Variants in SORCS2 observed in about 807,000 individuals in gnomAD.
SORCS2 encodes the protein sortilin related VPS10 domain containing receptor 2.
Under a neutral mutation model 141.6 loss-of-function variants are expected in SORCS2, and 100 were observed. The observed-to-expected ratio is 0.71, with a 90% CI of 0.60 to 0.83. The LOEUF (loss-of-function observed/expected upper bound fraction) is 0.83. Among genes scored for constraint, SORCS2 ranks in the 40% least tolerant of loss-of-function variants. SORCS2 has a pLI of 0.00. For synonymous variants in SORCS2, 789 were observed against 676.9 expected (o/e 1.17, Z -2.57); for missense variants, 1,646 against 1,560.2 (o/e 1.05, Z -0.93).
At chr4:7,607,841 C>G (rs1718158063) in intron 3 of SORCS2, among the ~76,000 whole-genome samples, 1 of 152,074 alleles carries the variant, frequency 6.6e-6, no homozygotes, top group Non-Finnish European at 1.5e-5. Flanking sequence ...TCCTCAGCCC[C>G]CAGCCCCAGG....
intron 4 of SORCS2, among the ~76,000 whole-genome samples, chr4:7,639,552 T>G (rs1452893602): frequency 6.8e-6 from 1 of 147,108 alleles, no homozygotes; most frequent in Admixed American, 6.8e-5. Flanking sequence ...TGTGAATGTG[T>G]GTGACTGTGG....
Position 7,682,761 on chromosome 4 carries a change from G to A in SORCS2, c.1360G>A (p.Val454Ile). The change falls in exon 10 of 27, where the codon GTC (valine) becomes ATC (isoleucine). Residue 454 changes from valine (V) to isoleucine (I), a missense_variant. By Grantham distance (29) the Val-to-Ile change is conservative (BLOSUM62 3). Transcript: ENST00000507866. Reference protein sequence around the residue: ...DILEVRGVKGVFLANQKIDGK... With the variant: ...DILEVRGVKGIFLANQKIDGK... ...GTCCCAGGTCAGAGGGGTGAAAGGA[G>A]TCTTCCTGGCAAACCAAAAAATTGA... The A allele has an allele frequency of 1.2e-6, 2 of 1,611,310 alleles. No homozygotes were observed. The highest frequency in any genetic ancestry group is 1.7e-6 in the Non-Finnish European group (2 of 1,178,698).
At chr4:7,204,649 C>T (rs1167495929) in intron 1 of SORCS2, among the ~76,000 whole-genome samples, 2 of 152,194 alleles carry the variant, frequency 1.3e-5, no homozygotes, top group Non-Finnish European at 2.9e-5. Context: ...GGAGGAGAAA[C>T]ATGTGTGGCA....
At chr4:7,362,218 G>A (rs754448426) in intron 1 of SORCS2, among the ~76,000 whole-genome samples, 11 of 152,076 alleles carry the variant, frequency 7.2e-5, no homozygotes, top group Admixed American at 2.0e-4. Context: ...ATCCATAGCC[G>A]CCAGTCGTCC....
At chr4:7,343,304 G>T (rs112979767) in intron 1 of SORCS2, among the ~76,000 whole-genome samples, 6 of 152,326 alleles carry the variant, frequency 3.9e-5, no homozygotes, top group African/African-American at 1.4e-4. Flanking sequence ...GGCCTGGGAC[G>T]TTGGAATCAG....
intron 1 of SORCS2, among the ~76,000 whole-genome samples, chr4:7,385,880 T>C (rs1306399612): frequency 3.9e-5 from 6 of 152,190 alleles, no homozygotes; most frequent in East Asian, 3.8e-4. Context: ...TGCACACTTA[T>C]TGAGCACTGA....
chr4:7,569,646 G>A (rs780639973), intron 3 of SORCS2, among the ~76,000 whole-genome samples: 2 of 152,212 alleles, frequency 1.3e-5, no homozygotes, highest in Non-Finnish European at 2.9e-5. Context: ...CAGATGCTCC[G>A]TGACTTCGCC....
At position 7,664,177 on chromosome 4, in the gene SORCS2, C is replaced by A. The variant is rs566793965; in HGVS notation, c.953-176C>A. ...CTCGTGTCAGAGTGCAGGTGGCCCACAGTGAGCGAGGATGACACCCTCAGC... is the reference window on the plus strand; with the variant it reads ...CTCGTGTCAGAGTGCAGGTGGCCCAAAGTGAGCGAGGATGACACCCTCAGC... On this transcript the variant is annotated intron_variant, in intron 6 of 26. Coordinates refer to ENST00000507866, the MANE Select transcript of SORCS2 (RefSeq NM_020777.3). This position sits in a 1 kb window ranked among gnomAD's most constrained non-coding sequence, Gnocchi z 4.7. Among the ~76,000 whole-genome samples, 2 of 152,216 alleles carry A rather than the reference C, an allele frequency of 1.3e-5. No individual in the cohort carries two copies. The highest frequency in any genetic ancestry group is 4.8e-5 in the African/African-American group (2 of 41,526).
At chr4:7,724,678 G>T (rs1226402217) in intron 19 of SORCS2, among the ~76,000 whole-genome samples, 6 of 105,430 alleles carry the variant, frequency 5.7e-5, no homozygotes, top group Admixed American at 2.6e-4. Context: ...AATGGTGGTA[G>T]TGGTGATGGT....
rs142680746 is a variant in SORCS2, at chr4:7,515,294, C to T, written c.549-16236C>T. On this transcript the variant is annotated intron_variant, in intron 2 of 26. Coordinates refer to ENST00000507866, the MANE Select transcript of SORCS2 (RefSeq NM_020777.3). ...GCCTGACATGGGCCTCGGGCACGCA[C>T]GGCTGTCTTGGAGTAATATCATTAA... Among the ~76,000 whole-genome samples, 172 of 152,324 alleles carry T rather than the reference C, an allele frequency of 1.1e-3. 1 individual carries two copies. The South Asian group carries it at 0.018, about 16-fold the overall frequency.
chr4:7,462,283 C>T (rs1037294635), intron 2 of SORCS2, among the ~76,000 whole-genome samples: 1 of 152,200 alleles, frequency 6.6e-6, no homozygotes, highest in Non-Finnish European at 1.5e-5. Flanking sequence ...AAATGTCTCA[C>T]CTGTGAGCGG....
At position 7,244,246 on chromosome 4, in the gene SORCS2, G is replaced by C. The variant is rs191635186; in HGVS notation, c.480+51120G>C. On this transcript the variant is annotated intron_variant, in intron 1 of 26. Transcript: ENST00000507866. Reference sequence around the variant, plus strand: ...GCTAAACCCCAGCAGCACTGCGAAGGCTTCTCCACTTGGAACAAGCTTGGG... The same window carrying C: ...GCTAAACCCCAGCAGCACTGCGAAGCCTTCTCCACTTGGAACAAGCTTGGG... Among the ~76,000 whole-genome samples the C allele has an allele frequency of 3.0e-4, 46 of 152,320 alleles. No homozygotes were observed. The East Asian group carries it at 7.7e-3, about 26-fold the overall frequency.
intron 1 of SORCS2, among the ~76,000 whole-genome samples, chr4:7,335,611 G>A (rs1304038748): frequency 6.6e-6 from 1 of 152,214 alleles, no homozygotes; most frequent in East Asian, 1.9e-4. Flanking sequence ...GGCTGGGGTG[G>A]TTTTCCAGGG....
chr4:7,454,502 G>A (rs1394112711), intron 2 of SORCS2, among the ~76,000 whole-genome samples: 1 of 140,144 alleles, frequency 7.1e-6, no homozygotes, highest in East Asian at 2.3e-4. Context: ...CAGGTGCTGT[G>A]TGTTGGGGTC....
intron 3 of SORCS2, among the ~76,000 whole-genome samples, chr4:7,622,135 A>T (rs1012680338): frequency 6.6e-5 from 10 of 152,068 alleles, no homozygotes; most frequent in South Asian, 6.2e-4. Flanking sequence ...TGCGCTCCTC[A>T]GCAGGCCTGA....
chr4:7,630,025 A>G (rs186323492), intron 3 of SORCS2, among the ~76,000 whole-genome samples: 169 of 152,314 alleles, frequency 1.1e-3, no homozygotes, highest in Admixed American at 2.9e-3. Context: ...GCCCAAGGCC[A>G]GGTCACCAGG....
chr4:7,504,180 A>C (rs1732143512), intron 2 of SORCS2, among the ~76,000 whole-genome samples: 1 of 152,162 alleles, frequency 6.6e-6, no homozygotes, highest in African/African-American at 2.4e-5. Flanking sequence ...CTTGGGAATC[A>C]CACACCGGGA....
intron 1 of SORCS2, among the ~76,000 whole-genome samples, chr4:7,243,591 C>T (rs187213993): frequency 8.9e-4 from 135 of 152,320 alleles, no homozygotes; most frequent in African/African-American, 3.1e-3. Context: ...CGTGAAACAC[C>T]GTCTATCAGG....
intron 3 of SORCS2, among the ~76,000 whole-genome samples, chr4:7,577,611 G>A (rs552653670): frequency 3.2e-4 from 48 of 149,206 alleles, no homozygotes; most frequent in African/African-American, 9.9e-4. Context: ...ATGGTTTGGA[G>A]AAGTCATATA....
Sources: allele counts gnomAD v4.1 joint callset (sites outside exome capture counted in the v4.1 genomes callset), GRCh38; gene constraint gnomAD v4.1.1; non-coding constraint Gnocchi (gnomAD v3.1); transcripts MANE v1.5; gene names NCBI Gene and HGNC (gene_info 2026-07-23, HGNC 2026-07-21).